The following CNTN5 variants were observed in gnomAD, a reference collection of about 807,000 sequenced individuals.
CNTN5 encodes the protein contactin-5.
Under a neutral mutation model 129.1 loss-of-function variants are expected in CNTN5, and 77 were observed. That is an observed-to-expected ratio of 0.60 (90% CI 0.50 to 0.72). The LOEUF is 0.72. CNTN5 is among the 30% of genes least tolerant of loss of function. The probability of loss-of-function intolerance (pLI) is 0.00; values close to 1 mark genes in which losing one functional copy is unlikely to be tolerated. For synonymous variants in CNTN5, 509 were observed against 465.6 expected (o/e 1.09, Z -1.20); for missense variants, 1,478 against 1,328.8 (o/e 1.11, Z -1.75).
intron 2 of CNTN5, among the ~76,000 whole-genome samples, chr11:99,448,231 C>G (rs1283223305): frequency 6.6e-6 from 1 of 152,010 alleles, no homozygotes; most frequent in Non-Finnish European, 1.5e-5. Context: ...ATGCAGAATT[C>G]TACAATGAAT....
intron 2 of CNTN5, among the ~76,000 whole-genome samples, chr11:99,403,155 T>C (rs12794364): frequency 0.25 from 37,714 of 151,346 alleles, 5,722 homozygotes; most frequent in Non-Finnish European, 0.35. Flanking sequence ...TACAGGCGCC[T>C]ACCACCATGC....
At chr11:99,557,662 C>T (rs1275017894) in intron 3 of CNTN5, among the ~76,000 whole-genome samples, 4 of 151,462 alleles carry the variant, frequency 2.6e-5, no homozygotes, top group African/African-American at 9.7e-5. Context: ...ACTATTATTA[C>T]TATTCGTAAT....
intron 21 of CNTN5, chr11:100,337,319 A>T (rs1952056591): frequency 1.1e-6 from 1 of 944,496 alleles, no homozygotes; most frequent in Admixed American, 1.7e-5. Flanking sequence ...GAATGAGTTC[A>T]CCATACATAT....
At chr11:99,705,209 T>G (rs1158924376) in intron 3 of CNTN5, among the ~76,000 whole-genome samples, 1 of 151,382 alleles carries the variant, frequency 6.6e-6, no homozygotes, top group Non-Finnish European at 1.5e-5. Flanking sequence ...ATTGTATTAT[T>G]TATATAAAAC....
At chr11:99,408,468 A>AAGAC (rs1483227466) in intron 2 of CNTN5, among the ~76,000 whole-genome samples, 1 of 121,656 alleles carries the variant, frequency 8.2e-6, no homozygotes, top group Non-Finnish European at 1.9e-5. Context: ...GAAAGAAAGA[A>AAGAC]AGAAAGAAAG....
At chr11:99,242,838 G>C (rs1033409100) in intron 1 of CNTN5, among the ~76,000 whole-genome samples, 2 of 152,086 alleles carry the variant, frequency 1.3e-5, no homozygotes, top group Non-Finnish European at 1.5e-5. Context: ...TGGCTTTATA[G>C]TATTCCATGG....
At chr11:99,997,122 C>T (rs1355182216) in intron 8 of CNTN5, among the ~76,000 whole-genome samples, 1 of 152,176 alleles carries the variant, frequency 6.6e-6, no homozygotes, top group Non-Finnish European at 1.5e-5. Flanking sequence ...TTTGATTCTT[C>T]TCTCTTTTTT....
chr11:100,038,703 A>G (rs1352642529), intron 9 of CNTN5, among the ~76,000 whole-genome samples: 1 of 151,828 alleles, frequency 6.6e-6, no homozygotes. Context: ...TGTTTAATTG[A>G]TCCCTTTACC....
intron 4 of CNTN5, among the ~76,000 whole-genome samples, chr11:99,830,201 T>G (rs1947094969): frequency 6.6e-6 from 1 of 152,142 alleles, no homozygotes; most frequent in African/African-American, 2.4e-5. Flanking sequence ...ATGGTGGTCC[T>G]TAGAGGAAGC....
At chr11:99,108,336 C>T (rs1345307801) in intron 1 of CNTN5, among the ~76,000 whole-genome samples, 1 of 152,120 alleles carries the variant, frequency 6.6e-6, no homozygotes, top group Non-Finnish European at 1.5e-5. Flanking sequence ...GATGCCTACA[C>T]AACAATGTGC....
chr11:99,450,209 CAG>C (rs1290166198), intron 2 of CNTN5, among the ~76,000 whole-genome samples: 25 of 151,190 alleles, frequency 1.7e-4, no homozygotes, highest in African/African-American at 5.6e-4. Context: ...TGAAGAAACT[CAG>C]AGAATAAATA....
chr11:99,747,927 AT>A (rs1461039262), intron 3 of CNTN5, among the ~76,000 whole-genome samples: 1 of 152,226 alleles, frequency 6.6e-6, no homozygotes, highest in Non-Finnish European at 1.5e-5. Context: ...TCATAAAAGA[AT>A]GTTGAATTTT....
intron 3 of CNTN5, among the ~76,000 whole-genome samples, chr11:99,731,502 T>A (rs775186801): frequency 6.6e-6 from 1 of 152,190 alleles, no homozygotes; most frequent in Non-Finnish European, 1.5e-5. Flanking sequence ...TGCAAATACT[T>A]TACCCTTAAA....
chr11:99,247,427 GC>G (rs1477540230), intron 1 of CNTN5, among the ~76,000 whole-genome samples: 2 of 151,568 alleles, frequency 1.3e-5, no homozygotes, highest in African/African-American at 2.4e-5. Flanking sequence ...AAAATATACA[GC>G]CTTTGTAAGC....
chr11:99,990,427 CTTCCCTTATTTTTAGA>C (rs1938993070), intron 8 of CNTN5, among the ~76,000 whole-genome samples: 197 of 141,180 alleles, frequency 1.4e-3, no homozygotes, highest in African/African-American at 5.1e-3. Flanking sequence ...AATTTATTGG[CTTCCCTTATTTTTAGA>C]ATATATATAT....
intron 13 of CNTN5, among the ~76,000 whole-genome samples, chr11:100,084,301 A>C (rs532341337): frequency 1.3e-5 from 2 of 152,132 alleles, no homozygotes; most frequent in Non-Finnish European, 2.9e-5. Flanking sequence ...TGGGAATTCA[A>C]GCATCTAAGT....
chr11:99,679,954 A>G (rs1214982551), intron 3 of CNTN5, among the ~76,000 whole-genome samples: 1 of 152,194 alleles, frequency 6.6e-6, no homozygotes, highest in East Asian at 1.9e-4. Flanking sequence ...AGTGGTCTGG[A>G]GAGAAGATGA....
At chr11:99,397,785 C>T (rs900183358) in intron 2 of CNTN5, among the ~76,000 whole-genome samples, 2 of 151,628 alleles carry the variant, frequency 1.3e-5, no homozygotes, top group Admixed American at 1.3e-4. Context: ...TAAAATCAAC[C>T]ATTTCTCCAA....
chr11:100,192,702 T>C (rs1948527907), intron 14 of CNTN5, among the ~76,000 whole-genome samples: 1 of 151,990 alleles, frequency 6.6e-6, no homozygotes, highest in Non-Finnish European at 1.5e-5. Context: ...CTAACTTAAC[T>C]CTTAAATGTA....
Sources: allele counts gnomAD v4.1 joint callset (sites outside exome capture counted in the v4.1 genomes callset), GRCh38; gene constraint gnomAD v4.1.1; transcripts MANE v1.5; gene names NCBI Gene and HGNC (gene_info 2026-07-23, HGNC 2026-07-21).